Variants in HECW2 observed in about 807,000 individuals in gnomAD.
HECW2 encodes HECT, C2 and WW domain containing E3 ubiquitin protein ligase 2, also known as E3 ubiquitin-protein ligase HECW2.
A neutral mutation model predicts 175.2 loss-of-function variants in HECW2; 61 were observed. The ratio of observed to expected loss-of-function variants is 0.35; its 90% CI spans 0.28 to 0.43. HECW2 has a LOEUF of 0.43. Among genes scored for constraint, HECW2 ranks in the 20% least tolerant of loss-of-function variants. The pLI, the probability that HECW2 is intolerant of heterozygous loss-of-function variation, is 1.00. For synonymous variants in HECW2, 671 were observed against 731.0 expected (o/e 0.92, Z 1.32); for missense variants, 1,524 against 2,000.5 (o/e 0.76, Z 4.54).
rs115132380 is a variant in HECW2 at position 196,435,801 on chromosome 2, C to A, written c.-35-2343G>T. 4.6e-3 allele frequency among the ~76,000 whole-genome samples: 704 copies of A among 152,244 alleles called. 1 individual carries two copies. Among genetic ancestry groups the A allele is most frequent in the Non-Finnish European group, 7.2e-3 (491 of 68,006 alleles). On this transcript the variant is annotated intron_variant, in intron 1 of 28. Transcript: ENST00000644978. ...CTATCCAGGAAGAACATAACATCTG[C>A]CTCATAGGATTTTGGAGAGAACTAA...
intron 1 of HECW2, among the ~76,000 whole-genome samples, chr2:196,501,021 T>C (rs10189917): frequency 0.014 from 2,170 of 152,344 alleles, 49 homozygotes; most frequent in African/African-American, 0.05. Context: ...TTAATTCTTA[T>C]CCAGAAGGTG....
chr2:196,520,293 A>G (rs73989954), intron 1 of HECW2, among the ~76,000 whole-genome samples: 5,319 of 151,598 alleles, frequency 0.035, 301 homozygotes, highest in African/African-American at 0.12. Context: ...TCCAGTGAGC[A>G]TGGTAGACTG....
intron 2 of HECW2, among the ~76,000 whole-genome samples, chr2:196,344,398 C>CA (rs1692878704): frequency 6.6e-6 from 1 of 151,502 alleles, no homozygotes; most frequent in African/African-American, 2.4e-5. Context: ...GTGATCCCCC[C>CA]AAAAGGCCTG....
intron 1 of HECW2, among the ~76,000 whole-genome samples, chr2:196,485,017 G>A (rs1211152150): frequency 6.6e-6 from 1 of 152,184 alleles, no homozygotes; most frequent in Non-Finnish European, 1.5e-5. Flanking sequence ...TGGAGAGCAG[G>A]GGAGAAGAGG....
At chr2:196,220,254 TA>T in intron 25 of HECW2, 101 bp from the exon 26 acceptor site, 2 of 767,676 alleles carry the variant, frequency 2.6e-6, no homozygotes, top group South Asian at 2.9e-5. Context: ...TCAGGAATAA[TA>T]TGTGTGTACC....
chr2:196,223,507 T>C, intron 23 of HECW2, among the ~76,000 whole-genome samples: 1 of 152,058 alleles, frequency 6.6e-6, no homozygotes, highest in East Asian at 1.9e-4. Context: ...ATACAAGGCA[T>C]GGATGTGTAC....
At chr2:196,285,524 T>TC (rs1391864996) in intron 14 of HECW2, among the ~76,000 whole-genome samples, 1 of 146,582 alleles carries the variant, frequency 6.8e-6, no homozygotes, top group Non-Finnish European at 1.5e-5. Flanking sequence ...TTGGAAGTGC[T>TC]CAAAAAAAGG....
rs1170439097 is a variant in HECW2 at position 196,199,968 on chromosome 2, T to C, written c.*1309A>G. 2.0e-5 allele frequency: 3 copies of C among 152,632 alleles called. No individual in the cohort carries two copies. Among genetic ancestry groups the C allele is most frequent in the Admixed American group, 2.0e-4 (3 of 15,282 alleles). 9.5% of individuals were successfully genotyped at this position (152,632 alleles called of 1,614,324 possible). A position where few individuals can be genotyped will look rare whatever the true frequency, so the allele number is the denominator to read the frequency against. ...GGGAAAATGGAATTCTTACTACTGA[T>C]CTCTTCAGTGTTGCTGATGGCTCCT... On this transcript the variant is annotated 3_prime_UTR_variant, in exon 29 of 29. Transcript: ENST00000644978.
At chr2:196,465,026 ACT>A (rs909652254) in intron 1 of HECW2, among the ~76,000 whole-genome samples, 3 of 151,984 alleles carry the variant, frequency 2.0e-5, no homozygotes, top group African/African-American at 4.8e-5. Context: ...ACAGTACAAG[ACT>A]CTGTTTCAAA....
At chr2:196,340,483 G>C (rs182624022) in intron 3 of HECW2, among the ~76,000 whole-genome samples, 1 of 150,958 alleles carries the variant, frequency 6.6e-6, no homozygotes, top group Non-Finnish European at 1.5e-5. Context: ...TGTAATCCCA[G>C]GTACTTGGAG....
chr2:196,559,586 C>T (rs1283571923), intron 1 of HECW2, among the ~76,000 whole-genome samples: 2 of 151,996 alleles, frequency 1.3e-5, no homozygotes, highest in African/African-American at 2.4e-5. Context: ...GGAGCTCTAA[C>T]AAAGTTAGGA....
intron 1 of HECW2, among the ~76,000 whole-genome samples, chr2:196,496,511 A>G (rs1687399346): frequency 6.6e-6 from 1 of 152,150 alleles, no homozygotes; most frequent in South Asian, 2.1e-4. Flanking sequence ...AACATTTTTT[A>G]TAATTATCAC....
intron 2 of HECW2, among the ~76,000 whole-genome samples, chr2:196,399,891 A>G (rs1014180423): frequency 1.3e-5 from 2 of 152,218 alleles, no homozygotes; most frequent in African/African-American, 4.8e-5. Context: ...TGCACCAGAT[A>G]CTGCCAAGCC....
At chr2:196,388,902 T>C (rs1464270366) in intron 2 of HECW2, among the ~76,000 whole-genome samples, 2 of 152,204 alleles carry the variant, frequency 1.3e-5, no homozygotes, top group East Asian at 1.9e-4. Context: ...AATTAACTTT[T>C]GCTGACGGGG....
chr2:196,521,919 T>G (rs1404761511), intron 1 of HECW2, among the ~76,000 whole-genome samples: 1 of 151,798 alleles, frequency 6.6e-6, no homozygotes, highest in Non-Finnish European at 1.5e-5. Flanking sequence ...TCTTTGCTAT[T>G]GTGAATAATG....
chr2:196,455,026 C>G (rs540417763), intron 1 of HECW2, among the ~76,000 whole-genome samples: 13 of 151,262 alleles, frequency 8.6e-5, no homozygotes, highest in African/African-American at 2.7e-4. Context: ...GACCACAGAC[C>G]CTTTTACTTA....
At chr2:196,591,345 A>G (rs1464489220) in intron 1 of HECW2, among the ~76,000 whole-genome samples, 1 of 152,224 alleles carries the variant, frequency 6.6e-6, no homozygotes, top group Non-Finnish European at 1.5e-5. Context: ...CTTTCCAGCC[A>G]GAAGACGGTT....
intron 2 of HECW2, among the ~76,000 whole-genome samples, chr2:196,411,182 T>A (rs1239961509): frequency 6.6e-6 from 1 of 152,088 alleles, no homozygotes; most frequent in East Asian, 1.9e-4. Context: ...TTATTTTTAG[T>A]TTTGTACAGA....
intron 2 of HECW2, among the ~76,000 whole-genome samples, chr2:196,382,007 C>T (rs1461914961): frequency 6.6e-6 from 1 of 152,074 alleles, no homozygotes; most frequent in African/African-American, 2.4e-5. Context: ...TGTTACATCT[C>T]AACAATAAAA....
Sources: gnomAD v4.1 joint callset for allele counts (sites outside exome capture counted in the v4.1 genomes callset) on GRCh38, gnomAD v4.1.1 for gene constraint, MANE v1.5 for transcripts, NCBI Gene and HGNC (gene_info 2026-07-23, HGNC 2026-07-21) for gene names.